The following EIF2AK4 variants were observed in gnomAD, a reference collection of about 807,000 sequenced individuals.
EIF2AK4 encodes the protein eIF-2-alpha kinase GCN2.
A neutral mutation model predicts 211.1 loss-of-function variants in EIF2AK4; 139 were observed. The observed-to-expected ratio is 0.66, with a 90% CI of 0.57 to 0.76. EIF2AK4 has a LOEUF of 0.76. EIF2AK4 is among the 30% of genes least tolerant of loss of function. The pLI is 0.00. For synonymous variants in EIF2AK4, 710 were observed against 751.3 expected, an observed-to-expected ratio of 0.94 and a Z score of 0.90; for missense variants, 1,664 against 2,043.8, an observed-to-expected ratio of 0.81 and a Z score of 3.58.
Position 39,965,615 on chromosome 15 carries a change from C to G in EIF2AK4, c.860-71C>G, listed in dbSNP as rs568467243. 1.9e-6 allele frequency: 3 copies of G among 1,549,496 alleles called. No homozygotes were observed. The Admixed American group carries it at 5.3e-5, about 27-fold the overall frequency. ...TTGTTGAACTAAAGAATGTGTATTA[C>G]CCCCTCCCTTCCTTCCCCCAAGAGA... is the stretch of plus-strand genomic sequence containing the variant. On this transcript the variant is annotated intron_variant, in intron 7 of 38. Coordinates refer to ENST00000263791, the MANE Select transcript of EIF2AK4 (RefSeq NM_001013703.4).
chr15:40,032,521 T>C (rs924783098), intron 36 of EIF2AK4, among the ~76,000 whole-genome samples: 2 of 152,240 alleles, frequency 1.3e-5, no homozygotes, highest in South Asian at 2.1e-4. Context: ...CGAATACATG[T>C]AGCAGCGTCA....
intron 6 of EIF2AK4, among the ~76,000 whole-genome samples, chr15:39,957,322 A>G (rs563275518): frequency 1.6e-4 from 24 of 152,236 alleles, no homozygotes; most frequent in African/African-American, 5.8e-4. Context: ...TGTGACCCCA[A>G]CACTTTGGGA....
intron 11 of EIF2AK4, chr15:39,974,922 T>G (rs2034673551): frequency 2.0e-5 from 3 of 152,190 alleles, no homozygotes; most frequent in African/African-American, 7.2e-5. Flanking sequence ...CCTTTTCACT[T>G]CAGTAAATGA....
chr15:39,942,238 C>T (rs564230513), intron 2 of EIF2AK4, among the ~76,000 whole-genome samples: 9 of 152,236 alleles, frequency 5.9e-5, no homozygotes, highest in South Asian at 4.1e-4. Context: ...GAGAGACTCC[C>T]GGGTTAGATT....
chr15:40,011,343 TA>T lies in EIF2AK4; in HGVS notation c.3757del (p.Ser1253ValfsTer22). 1 of 1,609,698 alleles carries T rather than the reference TA, an allele frequency of 6.2e-7. No individual in the cohort carries two copies. The highest frequency in any genetic ancestry group is 8.5e-7 in the Non-Finnish European group (1 of 1,176,598). The part of the protein sequence containing the change: ...KFCNLSLSSN[S>X]LCRLYKFIEQ... ...TTTGTAATCTGTCTTTGTCTTCTAA[TA>T]GTGTAAGTACCTTCTAATGGTATTA... On this transcript the variant is annotated frameshift_variant and splice_region_variant, in exon 27 of 39. Transcript: ENST00000263791. LOFTEE classifies it high-confidence loss of function.
chr15:39,946,336 T>C (rs1391489502), intron 3 of EIF2AK4, among the ~76,000 whole-genome samples: 1 of 152,190 alleles, frequency 6.6e-6, no homozygotes, highest in Non-Finnish European at 1.5e-5. Context: ...TTTGAGGGGT[T>C]CAAGACTTCA....
intron 13 of EIF2AK4, among the ~76,000 whole-genome samples, chr15:39,982,085 C>T (rs867699661): frequency 4.7e-4 from 71 of 152,040 alleles, no homozygotes; most frequent in African/African-American, 1.5e-3. Flanking sequence ...CCACCATGCC[C>T]GGCTAATTTT....
At chr15:39,946,928 T>C (rs1403152455) in intron 3 of EIF2AK4, 1 of 424,282 alleles carries the variant, frequency 2.4e-6, no homozygotes, top group African/African-American at 2.0e-5. Context: ...TAATGCTATT[T>C]CACACTTAAT....
At chr15:39,980,427 G>T (rs1240383719) in intron 13 of EIF2AK4, among the ~76,000 whole-genome samples, 1 of 152,172 alleles carries the variant, frequency 6.6e-6, no homozygotes, top group Non-Finnish European at 1.5e-5. Context: ...TCCAAACAAT[G>T]CATCAAACAT....
At chr15:40,020,667 T>G (rs569831550) in intron 30 of EIF2AK4, 21 of 236,054 alleles carry the variant, frequency 8.9e-5, no homozygotes, top group South Asian at 4.9e-4. Flanking sequence ...CCAGCCTGGG[T>G]GACAGAGTGA....
chr15:40,015,620 C>T (rs1352928490), intron 27 of EIF2AK4, among the ~76,000 whole-genome samples: 1 of 152,150 alleles, frequency 6.6e-6, no homozygotes, highest in Non-Finnish European at 1.5e-5. Flanking sequence ...ACAGCCAAAC[C>T]ATATCAAGAT....
rs1215269159 is a variant in EIF2AK4 at position 40,008,037 on chromosome 15, GA to G, written c.3420del (p.Glu1140AspfsTer9). On this transcript the variant is annotated frameshift_variant, in exon 25 of 39. Coordinates refer to ENST00000263791, the MANE Select transcript of EIF2AK4 (RefSeq NM_001013703.4). LOFTEE classifies it high-confidence loss of function. Reference protein sequence around the residue: ...NILNLKRYCIERVFRPRKLDR... With the variant: ...NILNLKRYCIXRVFRPRKLDR... The stretch of plus-strand genomic sequence containing the variant: ...GGTTTCTCTCTCCAGATACTGCATA[GA>G]ACGTGTGTTCAGGCCGCGCAAGTTA... The G allele has an allele frequency of 1.3e-6, 2 of 1,597,032 alleles. No individual in the cohort carries two copies. The highest frequency in any genetic ancestry group is 8.5e-7 in the Non-Finnish European group (1 of 1,172,682).
chr15:40,021,001 G>A lies in EIF2AK4; in HGVS notation c.4276G>A (p.Ala1426Thr). The change falls in exon 31 of 39, where the codon GCA becomes ACA. Residue 1426 changes from alanine (A) to threonine (T), a missense_variant. Around this residue, in one of 7 missense-constraint regions of EIF2AK4, gnomAD observed 622 missense variants for 796.8 expected, o/e 0.78. Coordinates refer to ENST00000263791, the MANE Select transcript of EIF2AK4 (RefSeq NM_001013703.4). ...TQKLWTAGITAEIMYDWSQSQ... is the reference protein window; with the variant it reads ...TQKLWTAGITTEIMYDWSQSQ... ...GAAACTCTGGACAGCAGGCATCACA[G>A]CAGAAATCATGTACGACTGGTCACA... is the stretch of plus-strand genomic sequence containing the variant. 1 of 1,613,724 alleles carries A rather than the reference G, an allele frequency of 6.2e-7. No homozygotes were observed. The highest frequency in any genetic ancestry group is 1.1e-5 in the South Asian group (1 of 90,974).
intron 10 of EIF2AK4, 121 bp downstream of exon 10, chr15:39,973,135 A>G (rs1488880879): frequency 3.6e-6 from 3 of 831,680 alleles, no homozygotes; most frequent in African/African-American, 1.7e-5. Context: ...ATTCTGAACT[A>G]AATCCATTAG....
chr15:39,978,171 A>G (rs754987203), intron 13 of EIF2AK4, 24 bp downstream of exon 13: 9 of 1,344,810 alleles, frequency 6.7e-6, no homozygotes, highest in South Asian at 1.4e-5. Flanking sequence ...TAGAAATTAT[A>G]TCATTTTATT....
At chr15:40,034,886 A>G (rs1303677833) in intron 38 of EIF2AK4, 141 bp from the exon 39 acceptor site, 1 of 591,762 alleles carries the variant, frequency 1.7e-6, no homozygotes, top group Admixed American at 2.7e-5. Flanking sequence ...CTTGTATAAA[A>G]CCTATATAAT....
In EIF2AK4 at chr15:39,976,779, G is replaced by A. The variant is rs1041093913; in HGVS notation, c.2184G>A (p.Pro728=). 1 of 1,587,808 alleles carries A rather than the reference G, an allele frequency of 6.3e-7. No homozygotes were observed. Among genetic ancestry groups the A allele is most frequent in the Admixed American group, 1.8e-5 (1 of 56,224 alleles). ...GTGCCCGTTTCCCCGCCACCGGCCC[G>A]GGCTCCAGCGATGACGAGGACGACG... is the stretch of plus-strand genomic sequence containing the variant. ...SASARFPATG[P]GSSDDEDDDE... is the part of the protein sequence containing the mutation. The change falls in exon 12 of 39, where the codon CCG becomes CCA. Residue 728 remains proline, a synonymous_variant. Coordinates refer to ENST00000263791, the MANE Select transcript of EIF2AK4 (RefSeq NM_001013703.4).
intron 32 of EIF2AK4, among the ~76,000 whole-genome samples, chr15:40,023,461 C>A (rs2035422097): frequency 1.3e-5 from 2 of 152,210 alleles, no homozygotes; most frequent in South Asian, 4.1e-4. Context: ...ATTAGAAGTC[C>A]AATCTCAAAT....
chr15:39,952,294 C>CT (rs5812148), intron 4 of EIF2AK4, among the ~76,000 whole-genome samples: 4 of 127,998 alleles, frequency 3.1e-5, no homozygotes, highest in African/African-American at 8.7e-5. Context: ...GATTTTTTTT[C>CT]TTTTTTTTTT....
Sources: allele counts gnomAD v4.1 joint callset (sites outside exome capture counted in the v4.1 genomes callset), GRCh38; gene constraint gnomAD v4.1.1; regional missense constraint gnomAD v4.1.1; transcripts MANE v1.5; gene names NCBI Gene and HGNC (gene_info 2026-07-23, HGNC 2026-07-21).